The following RNF144B variants were observed in gnomAD, a reference collection of about 807,000 sequenced individuals.
RNF144B encodes ring finger protein 144B.
A neutral mutation model predicts 40.2 loss-of-function variants in RNF144B; 25 were observed. The ratio of observed to expected loss-of-function variants is 0.62; its 90% CI spans 0.45 to 0.87. The LOEUF is 0.87. Among genes scored for constraint, RNF144B ranks in the 40% least tolerant of loss-of-function variants. RNF144B has a pLI of 0.00. For missense variants in RNF144B, 365 were observed against 373.7 expected (o/e 0.98, Z 0.19); for synonymous variants, 145 against 136.3 (o/e 1.06, Z -0.44).
chr6:18,399,004 T>C (rs1488381988), intron 1 of RNF144B, among the ~76,000 whole-genome samples: 1 of 152,222 alleles, frequency 6.6e-6, no homozygotes, highest in Non-Finnish European at 1.5e-5. Context: ...CAGTATACAA[T>C]GTGATGTTTT....
chr6:18,405,196 T>G lies in RNF144B; in HGVS notation c.165+5497T>G, dbSNP rs1319592209. Among the ~76,000 whole-genome samples, 2 of 151,386 alleles carry G rather than the reference T, an allele frequency of 1.3e-5. No individual in the cohort carries two copies. The highest frequency in any genetic ancestry group is 4.8e-5 in the African/African-American group (2 of 41,258). On this transcript the variant is annotated intron_variant, in intron 2 of 7. Transcript: ENST00000259939. This position sits in a 1 kb window ranked among gnomAD's most constrained non-coding sequence, Gnocchi z 4.5. ...ATTATTGTTATTATTATTTTTGAGATGGAGTCTTGCTCTGTTGCCCAGGCT... is the reference window on the plus strand; with the variant it reads ...ATTATTGTTATTATTATTTTTGAGAGGGAGTCTTGCTCTGTTGCCCAGGCT...
At chr6:18,397,368 G>A (rs1794714190) in intron 1 of RNF144B, among the ~76,000 whole-genome samples, 1 of 152,110 alleles carries the variant, frequency 6.6e-6, no homozygotes, top group Admixed American at 6.5e-5. Context: ...TCTTGTAGGG[G>A]GAGGTGTATT....
chr6:18,415,966 C>A (rs1199482490), intron 2 of RNF144B, among the ~76,000 whole-genome samples: 4 of 151,980 alleles, frequency 2.6e-5, no homozygotes, highest in Non-Finnish European at 5.9e-5. Context: ...TCAGTGGAAT[C>A]TGGCTATGCT....
At chr6:18,413,729 C>T (rs2113480892) in intron 2 of RNF144B, among the ~76,000 whole-genome samples, 1 of 152,288 alleles carries the variant, frequency 6.6e-6, no homozygotes, top group African/African-American at 2.4e-5. Context: ...ACGGTTGTTT[C>T]CAAGTGATTC....
rs892361066 is a variant in RNF144B, at chr6:18,434,657, T to G, written c.271-5027T>G. 6.6e-6 allele frequency among the ~76,000 whole-genome samples: 1 copy of G among 152,190 alleles called. No homozygotes were observed. Among genetic ancestry groups the G allele is most frequent in the Non-Finnish European group, 1.5e-5 (1 of 68,042 alleles). Reference sequence around the variant, plus strand: ...TGTTTTTTTAGACAGAGTCTTGCTCTGTCGCCCAGGCTGGAATGCAGTGGT... The same window carrying G: ...TGTTTTTTTAGACAGAGTCTTGCTCGGTCGCCCAGGCTGGAATGCAGTGGT... On this transcript the variant is annotated intron_variant, in intron 3 of 7. Coordinates refer to ENST00000259939, the MANE Select transcript of RNF144B (RefSeq NM_182757.4). The surrounding 1 kb of genome is among the most constrained non-coding windows in gnomAD (Gnocchi z 4.1).
rs1319680133 is a variant in RNF144B at position 18,405,699 on chromosome 6, C to G, written c.165+6000C>G. 6.6e-6 allele frequency among the ~76,000 whole-genome samples: 1 copy of G among 152,180 alleles called. No individual in the cohort carries two copies. Among genetic ancestry groups the G allele is most frequent in the Non-Finnish European group, 1.5e-5 (1 of 68,038 alleles). ...TTTTCCACTGACAACGGAGCCACTG[C>G]AGGGTCAGATGGCATCTGTGGAAAA... On this transcript the variant is annotated intron_variant, in intron 2 of 7. Transcript: ENST00000259939. The surrounding 1 kb of genome is among the most constrained non-coding windows in gnomAD (Gnocchi z 4.5).
rs1207047164 is a variant in RNF144B, at chr6:18,418,458, C to A, written c.166-9123C>A. The stretch of plus-strand genomic sequence containing the variant: ...CTTGAAAACATTATGCTAAGTGAAG[C>A]CATTGACAAAGGACCATATATTGTA... On this transcript the variant is annotated intron_variant, in intron 2 of 7. Transcript: ENST00000259939. This position sits in a 1 kb window ranked among gnomAD's most constrained non-coding sequence, Gnocchi z 5.2. Among the ~76,000 whole-genome samples, 2 of 152,124 alleles carry A rather than the reference C, an allele frequency of 1.3e-5. No homozygotes were observed. The highest frequency in any genetic ancestry group is 4.8e-5 in the African/African-American group (2 of 41,408).
At chr6:18,415,649 A>G (rs1795135721) in intron 2 of RNF144B, among the ~76,000 whole-genome samples, 1 of 152,028 alleles carries the variant, frequency 6.6e-6, no homozygotes, top group East Asian at 1.9e-4. Context: ...GCTTTATCAC[A>G]TATCTCTCCG....
Position 18,450,549 on chromosome 6 carries a change from T to A in RNF144B, c.332-6606T>A, listed in dbSNP as rs1299869242. On this transcript the variant is annotated intron_variant, in intron 4 of 7. Transcript: ENST00000259939. This position sits in a 1 kb window ranked among gnomAD's most constrained non-coding sequence, Gnocchi z 4.7. ...CCTGACCTCAGGTGATCCACCCACCTCGGCCTCCCAAAGTGCTAGGATTAC... is the reference window on the plus strand; with the variant it reads ...CCTGACCTCAGGTGATCCACCCACCACGGCCTCCCAAAGTGCTAGGATTAC... Among the ~76,000 whole-genome samples, 2 of 152,156 alleles carry A rather than the reference T, an allele frequency of 1.3e-5. No individual in the cohort carries two copies. Among genetic ancestry groups the A allele is most frequent in the Non-Finnish European group, 2.9e-5 (2 of 68,026 alleles).
rs905879592 is a variant in RNF144B, at chr6:18,459,226, A to G, written c.537-381A>G. Among the ~76,000 whole-genome samples the G allele has an allele frequency of 6.6e-6, 1 of 152,188 alleles. No individual in the cohort carries two copies. Among genetic ancestry groups the G allele is most frequent in the Non-Finnish European group, 1.5e-5 (1 of 68,030 alleles). On this transcript the variant is annotated intron_variant, in intron 5 of 7. Coordinates refer to ENST00000259939, the MANE Select transcript of RNF144B (RefSeq NM_182757.4). This position sits in a 1 kb window ranked among gnomAD's most constrained non-coding sequence, Gnocchi z 4.2. ...GTTTATATTTGAGAACCCCTTCTCC[A>G]TTTGTCTAATGAACAGACCATTAGA...
intron 2 of RNF144B, among the ~76,000 whole-genome samples, chr6:18,407,145 T>C (rs1362254561): frequency 6.6e-6 from 1 of 152,072 alleles, no homozygotes; most frequent in Non-Finnish European, 1.5e-5. Context: ...ACTGATCTTA[T>C]CCAGAAACAC....
intron 4 of RNF144B, among the ~76,000 whole-genome samples, chr6:18,452,170 G>C (rs1204562069): frequency 3.3e-5 from 5 of 152,192 alleles, no homozygotes; most frequent in African/African-American, 9.6e-5. Flanking sequence ...ACATCTATAT[G>C]CTTTTGAAAA....
Position 18,463,341 on chromosome 6 carries a change from T to C in RNF144B, c.732T>C (p.Leu244=). 6.2e-7 allele frequency: 1 copy of C among 1,612,402 alleles called. No homozygotes were observed. The highest frequency in any genetic ancestry group is 8.5e-7 in the Non-Finnish European group (1 of 1,178,424). ...ACAAAGGGCCATGCAGGAATAAACT[T>C]GGCCACTCAAGAGCATCAGTGATGT... ...HYDKGPCRNK[L]GHSRASVMWN... The change falls in exon 7 of 8, where the codon CTT becomes CTC. Residue 244 remains leucine (L), a synonymous_variant. Transcript: ENST00000259939.
intron 1 of RNF144B, chr6:18,396,775 C>T (rs374827192): frequency 1.7e-4 from 163 of 985,220 alleles, no homozygotes; most frequent in Non-Finnish European, 1.8e-4. Context: ...GTACTGGAGA[C>T]GCAAGCTGAT....
chr6:18,453,489 T>G (rs1321696446), intron 4 of RNF144B, among the ~76,000 whole-genome samples: 6 of 152,116 alleles, frequency 3.9e-5, no homozygotes, highest in Non-Finnish European at 7.4e-5. Flanking sequence ...ATCTTAGAGG[T>G]CTTTCCAAAT....
In RNF144B at chr6:18,414,092, C is replaced by T. The variant is rs917857980; in HGVS notation, c.166-13489C>T. 2.6e-5 allele frequency among the ~76,000 whole-genome samples: 4 copies of T among 152,060 alleles called. No homozygotes were observed. The highest frequency in any genetic ancestry group is 1.3e-4 in the Admixed American group (2 of 15,268). ...GGAATATTGTGAGGTGAGGAATAGT[C>T]GTGGTCTTGATGCAATGTAACTTAT... On this transcript the variant is annotated intron_variant, in intron 2 of 7. Transcript: ENST00000259939. This position sits in a 1 kb window ranked among gnomAD's most constrained non-coding sequence, Gnocchi z 4.9.
intron 4 of RNF144B, among the ~76,000 whole-genome samples, chr6:18,445,730 C>T (rs1759067280): frequency 6.6e-6 from 1 of 152,158 alleles, no homozygotes; most frequent in Non-Finnish European, 1.5e-5. Context: ...TTTTTCCCAT[C>T]TCAAAGCTAC....
rs116305981 is a variant in RNF144B, at chr6:18,455,404, G to A, written c.332-1751G>A. ...TCTAGGCGAGACATTAGTGGAGACA[G>A]TATTTTATTGGAACATTTCAGACTT... On this transcript the variant is annotated intron_variant, in intron 4 of 7. Coordinates refer to ENST00000259939, the MANE Select transcript of RNF144B (RefSeq NM_182757.4). 5.5e-3 allele frequency among the ~76,000 whole-genome samples: 842 copies of A among 152,320 alleles called. 6 individuals carry two copies. The highest frequency in any genetic ancestry group is 0.014 in the Middle Eastern group (4 of 294).
intron 3 of RNF144B, among the ~76,000 whole-genome samples, chr6:18,435,098 C>T (rs1758788229): frequency 6.6e-6 from 1 of 152,042 alleles, no homozygotes. Flanking sequence ...GGGTGTTTTC[C>T]CCCACCTTTG....
Sources: allele counts gnomAD v4.1 joint callset (sites outside exome capture counted in the v4.1 genomes callset), GRCh38; gene constraint gnomAD v4.1.1; non-coding constraint Gnocchi (gnomAD v3.1); transcripts MANE v1.5; gene names NCBI Gene and HGNC (gene_info 2026-07-23, HGNC 2026-07-21).